ZNG1A: variants seen among roughly 807,000 people sequenced by gnomAD.
ZNG1A encodes the protein zinc-regulated GTPase metalloprotein activator 1A.
chr9:162,711 T>A, the ZNG1A span, among the ~76,000 whole-genome samples: 2 of 150,938 alleles, frequency 1.3e-5, no homozygotes, highest in African/African-American at 4.9e-5. Context: ...ATAAAACAAA[T>A]AAAAATTTTA....
chr9:151,903 T>C, the ZNG1A span: 1 of 435,244 alleles, frequency 2.3e-6, no homozygotes, highest in Non-Finnish European at 4.2e-6. Flanking sequence ...AACAACATTT[T>C]GGATCCAATT....
chr9:144,642 A>C, the ZNG1A span, among the ~76,000 whole-genome samples: 9 of 151,794 alleles, frequency 5.9e-5, no homozygotes, highest in African/African-American at 2.2e-4. Context: ...ATGGGCAAGG[A>C]CTTCATGTCT....
At chr9:176,338 A>G in the ZNG1A span, among the ~76,000 whole-genome samples, 7 of 143,272 alleles carry the variant, frequency 4.9e-5, no homozygotes, top group African/African-American at 1.9e-4. Context: ...CATAGAGGAA[A>G]AAAAGAAAAT....
chr9:143,019 C>A, the ZNG1A span, among the ~76,000 whole-genome samples: 11 of 144,822 alleles, frequency 7.6e-5, no homozygotes, highest in South Asian at 2.3e-4. Context: ...CTGAATAGAC[C>A]AATAACAGGA....
At chr9:171,428 G>C in the ZNG1A span, among the ~76,000 whole-genome samples, 1 of 152,072 alleles carries the variant, frequency 6.6e-6, no homozygotes, top group African/African-American at 2.4e-5. Context: ...AAAGTTATTT[G>C]GGGAAAATAA....
chr9:138,403 T>C, the ZNG1A span, among the ~76,000 whole-genome samples: 1 of 122,890 alleles, frequency 8.1e-6, no homozygotes. Context: ...TTTCTTTTTT[T>C]TTTTACAAAC....
At chr9:159,521 T>C in the ZNG1A span, among the ~76,000 whole-genome samples, 1 of 152,170 alleles carries the variant, frequency 6.6e-6, no homozygotes, top group East Asian at 1.9e-4. Context: ...ACACATTGTA[T>C]ACCTTAAATA....
At chr9:174,551 A>G in the ZNG1A span, among the ~76,000 whole-genome samples, 1 of 151,994 alleles carries the variant, frequency 6.6e-6, no homozygotes, top group East Asian at 1.9e-4. Context: ...TCAGTGTGCA[A>G]TAGGTTATTT....
the ZNG1A span, chr9:175,921 G>A: frequency 7.3e-7 from 1 of 1,369,738 alleles, no homozygotes; most frequent in African/African-American, 1.5e-5. Flanking sequence ...TATCCTAGAG[G>A]ATAAGATTAA....
At chr9:148,069 A>T in the ZNG1A span, 1 of 141,528 alleles carries the variant, frequency 7.1e-6, no homozygotes. Context: ...AATAAATAAA[A>T]ATAAAAATAA....
At chr9:141,385 T>C in the ZNG1A span, among the ~76,000 whole-genome samples, 7 of 149,534 alleles carry the variant, frequency 4.7e-5, no homozygotes, top group Non-Finnish European at 1.0e-4. Flanking sequence ...GGGGCCAATA[T>C]TCAACATTCT....
At chr9:159,912 C>T in the ZNG1A span, 1 of 362,832 alleles carries the variant, frequency 2.8e-6, no homozygotes, top group South Asian at 2.1e-5. Flanking sequence ...ATTGTTCTGG[C>T]CTTTTCCAAG....
chr9:135,242 C>CAT, the ZNG1A span, among the ~76,000 whole-genome samples: 1 of 150,830 alleles, frequency 6.6e-6, no homozygotes, highest in Admixed American at 6.6e-5. Flanking sequence ...ACCACACATT[C>CAT]ATATATATAC....
the ZNG1A span, among the ~76,000 whole-genome samples, chr9:142,023 A>G: frequency 6.9e-5 from 10 of 144,464 alleles, no homozygotes; most frequent in Non-Finnish European, 1.2e-4. Context: ...CCAATACAGG[A>G]GCACCCAGAT....
At chr9:129,184 G>A in the ZNG1A span, among the ~76,000 whole-genome samples, 10 of 152,242 alleles carry the variant, frequency 6.6e-5, no homozygotes, top group African/African-American at 2.4e-4. Flanking sequence ...ACTTTCCAGA[G>A]AGTGTCAGTT....
the ZNG1A span, among the ~76,000 whole-genome samples, chr9:152,264 C>T: frequency 6.6e-6 from 1 of 151,866 alleles, no homozygotes; most frequent in Non-Finnish European, 1.5e-5. Context: ...TTCCTTCAAA[C>T]AATAAATCAC....
chr9:175,121 G>A, the ZNG1A span, among the ~76,000 whole-genome samples: 1 of 152,184 alleles, frequency 6.6e-6, no homozygotes, highest in Non-Finnish European at 1.5e-5. Context: ...CCTCATGCCT[G>A]TAATCCCAGC....
At chr9:178,038 T>G in the ZNG1A span, among the ~76,000 whole-genome samples, 1 of 149,514 alleles carries the variant, frequency 6.7e-6, no homozygotes, top group Non-Finnish European at 1.5e-5. Context: ...TTTCTTAACT[T>G]TTTCCAAACT....
At chr9:125,299 G>GAA in the ZNG1A span, among the ~76,000 whole-genome samples, 6 of 149,562 alleles carry the variant, frequency 4.0e-5, no homozygotes, top group African/African-American at 1.5e-4. Flanking sequence ...GCATTTCCCT[G>GAA]ATCATTAGTG....
Sources: allele counts gnomAD v4.1 joint callset (sites outside exome capture counted in the v4.1 genomes callset), GRCh38; gene constraint gnomAD v4.1.1; transcripts MANE v1.5; gene names NCBI Gene and HGNC (gene_info 2026-07-23, HGNC 2026-07-21).